AHCTF1: variants seen among roughly 807,000 people sequenced by gnomAD.
The protein encoded by AHCTF1 is protein ELYS.
In AHCTF1, 24 loss-of-function variants were observed where a neutral mutation model predicts 248.4. That is an observed-to-expected ratio of 0.10 (90% CI 0.07 to 0.14). The LOEUF (loss-of-function observed/expected upper bound fraction) is 0.14. Among genes scored for constraint, AHCTF1 ranks in the 10% least tolerant of loss-of-function variants. The probability of loss-of-function intolerance (pLI) is 1.00; values close to 1 mark genes in which losing one functional copy is unlikely to be tolerated. For missense variants in AHCTF1, 2,206 were observed against 2,636.2 expected, an observed-to-expected ratio of 0.84 and a Z score of 3.57; for synonymous variants, 786 against 929.8, an observed-to-expected ratio of 0.85 and a Z score of 2.81.
chr1:246,930,089 G>A (rs1667237182), intron 1 of AHCTF1, among the ~76,000 whole-genome samples: 1 of 151,970 alleles, frequency 6.6e-6, no homozygotes. Flanking sequence ...TATGAAAAAG[G>A]AGAAGCATAA....
intron 4 of AHCTF1, among the ~76,000 whole-genome samples, chr1:246,908,993 T>C (rs1212537234): frequency 1.3e-5 from 2 of 151,812 alleles, no homozygotes; most frequent in African/African-American, 4.8e-5. Flanking sequence ...TCTCATTATT[T>C]ACAGTTTCAC....
At position 246,861,939 on chromosome 1, in the gene AHCTF1, C is replaced by A. The variant is rs574231838; in HGVS notation, c.3735+20G>T. 6.3e-7 allele frequency: 1 copy of A among 1,586,690 alleles called. No homozygotes were observed. Among genetic ancestry groups the A allele is most frequent in the East Asian group, 2.2e-5 (1 of 44,606 alleles). ...TTCTTATTAAAAAATGTCTTTTCTC[C>A]CAATTATTATCAAACTTACCCCAGG... On this transcript the variant is annotated intron_variant, in intron 28 of 35. Coordinates refer to ENST00000648844, the MANE Select transcript of AHCTF1 (RefSeq NM_001323342.2).
intron 1 of AHCTF1, chr1:246,931,032 G>A (rs1667313144): frequency 1.4e-6 from 2 of 1,458,792 alleles, no homozygotes; most frequent in South Asian, 1.4e-5. Flanking sequence ...CCCAAGATGT[G>A]CTTTTATTTT....
chr1:246,860,943 A>G lies in AHCTF1; in HGVS notation c.4088T>C (p.Val1363Ala), dbSNP rs755356634. The part of the protein sequence containing the change: ...EQTEKDGDKD[V>A]FASEVTPSDL... ...TGAAGGAGTTACTTCTGATGCAAAT[A>G]CATCTTTATCTCCATCCTTTTCAGT... The change falls in exon 29 of 36, where the codon GTA (valine) becomes GCA (alanine). Residue 1363 changes from valine (V) to alanine (A), a missense_variant. Transcript: ENST00000648844. 2.9e-5 allele frequency: 47 copies of G among 1,612,410 alleles called. No individual in the cohort carries two copies. The highest frequency in any genetic ancestry group is 3.7e-5 in the Non-Finnish European group (44 of 1,178,602).
rs540228112 is a variant in AHCTF1 at position 246,927,880 on chromosome 1, G to C, written c.-8+3698C>G. 3.3e-5 allele frequency among the ~76,000 whole-genome samples: 5 copies of C among 152,128 alleles called. No individual in the cohort carries two copies. In the South Asian group the frequency reaches 1.0e-3, roughly 32 times the overall value. ...TAGCTGGGCGCGGTAGCGCGCTGTA[G>C]TCCCAGCTACTTGGGAGGCTGAGGC... On this transcript the variant is annotated intron_variant, in intron 1 of 35. Coordinates refer to ENST00000648844, the MANE Select transcript of AHCTF1 (RefSeq NM_001323342.2).
intron 24 of AHCTF1, among the ~76,000 whole-genome samples, chr1:246,868,419 C>A (rs756309731): frequency 2.0e-5 from 3 of 147,942 alleles, no homozygotes; most frequent in Non-Finnish European, 2.9e-5. Context: ...CTGCGCCTGG[C>A]AATTTTTGTA....
chr1:246,905,551 T>C lies in AHCTF1; in HGVS notation c.871A>G (p.Thr291Ala), dbSNP rs770470708. The C allele has an allele frequency of 3.1e-6, 5 of 1,611,348 alleles. No homozygotes were observed. The highest frequency in any genetic ancestry group is 4.2e-6 in the Non-Finnish European group (5 of 1,179,230). Residue 291 changes from threonine (T) to alanine (A), a missense_variant, in exon 6 of 36, where the codon ACA (threonine) becomes GCA (alanine). This residue lies in a region of AHCTF1 where 650 missense variants were observed against 870.8 expected (regional missense o/e 0.75). Transcript: ENST00000648844. ...NCCYLWAVQS[T>A]QDSEGDVLSL... ...TTGTATGAGACCTACCTATCTTGTG[T>C]AGACTGAACAGCCCACAAGTAACAG... is the stretch of plus-strand genomic sequence containing the variant.
At chr1:246,894,911 G>A (rs1417991499) in intron 13 of AHCTF1, among the ~76,000 whole-genome samples, 163 bp from the exon 14 acceptor site, 3 of 151,996 alleles carry the variant, frequency 2.0e-5, no homozygotes, top group Non-Finnish European at 2.9e-5. Flanking sequence ...ACCACACCAC[G>A]GAGCACGTCA....
chr1:246,901,260 G>C (rs940753107), intron 8 of AHCTF1, among the ~76,000 whole-genome samples: 1 of 152,186 alleles, frequency 6.6e-6, no homozygotes, highest in African/African-American at 2.4e-5. Context: ...AGGATCGCTT[G>C]AACCTGGGAA....
Position 246,931,236 on chromosome 1 carries a change from G to T in AHCTF1, c.-8+342C>A, listed in dbSNP as rs555942778. The T allele has an allele frequency of 5.5e-5, 85 of 1,550,092 alleles. 1 individual carries two copies. The South Asian group carries it at 8.2e-4, about 15-fold the overall frequency. ...CCGCCAACGAGTCCATCGCGTGGGAGAACAGTGGGAAAGGGTCGCGGCCCC... is the reference window on the plus strand; with the variant it reads ...CCGCCAACGAGTCCATCGCGTGGGATAACAGTGGGAAAGGGTCGCGGCCCC... On this transcript the variant is annotated intron_variant, in intron 1 of 35. Transcript: ENST00000648844.
chr1:246,857,999 G>A (rs1415291533), intron 29 of AHCTF1, among the ~76,000 whole-genome samples, 185 bp from the exon 30 acceptor site: 2 of 139,554 alleles, frequency 1.4e-5, no homozygotes, highest in Non-Finnish European at 3.0e-5. Context: ...TTGCTGTGTC[G>A]CCCAGGCTGG....
At chr1:246,885,930 T>C (rs1488568226) in intron 20 of AHCTF1, among the ~76,000 whole-genome samples, 1 of 152,180 alleles carries the variant, frequency 6.6e-6, no homozygotes, top group African/African-American at 2.4e-5. Flanking sequence ...CTCACGCCTG[T>C]AATCTCCGCA....
intron 1 of AHCTF1, among the ~76,000 whole-genome samples, chr1:246,924,009 CAA>C (rs145649060): frequency 0.064 from 9,732 of 152,198 alleles, 356 homozygotes; most frequent in African/African-American, 0.087. Flanking sequence ...ATAAATCTGG[CAA>C]AAGAGAGATC....
intron 1 of AHCTF1, among the ~76,000 whole-genome samples, chr1:246,925,149 G>C (rs966667317): frequency 7.2e-5 from 11 of 152,154 alleles, no homozygotes; most frequent in Admixed American, 2.6e-4. Flanking sequence ...TAAAACCAAA[G>C]TAAGTCAACC....
intron 1 of AHCTF1, among the ~76,000 whole-genome samples, chr1:246,918,701 T>C (rs1439656131): frequency 2.6e-5 from 4 of 152,258 alleles, no homozygotes. Flanking sequence ...GACCAAGGTA[T>C]TCTACTGTCT....
At chr1:246,918,719 A>C (rs1186963490) in intron 1 of AHCTF1, among the ~76,000 whole-genome samples, 1 of 152,238 alleles carries the variant, frequency 6.6e-6, no homozygotes, top group Non-Finnish European at 1.5e-5. Flanking sequence ...TCTCCTAAGA[A>C]AGTATTTCCC....
chr1:246,877,929 A>T (rs1029184525), intron 21 of AHCTF1, among the ~76,000 whole-genome samples: 33 of 151,580 alleles, frequency 2.2e-4, no homozygotes, highest in Non-Finnish European at 4.0e-4. Context: ...ATTTATTTTT[A>T]TTTTTTTTAA....
At chr1:246,853,044 C>A in intron 32 of AHCTF1, 47 bp downstream of exon 32, 1 of 1,467,062 alleles carries the variant, frequency 6.8e-7, no homozygotes, top group Non-Finnish European at 9.3e-7. Flanking sequence ...AACAACTAAA[C>A]CAAAACTGAA....
At chr1:246,887,499 G>C in intron 19 of AHCTF1, 142 bp from the exon 20 acceptor site, 1 of 791,836 alleles carries the variant, frequency 1.3e-6, no homozygotes, top group Non-Finnish European at 1.9e-6. Context: ...ATCATGGAGA[G>C]TCAGCAATGA....
Sources: allele counts gnomAD v4.1 joint callset (sites outside exome capture counted in the v4.1 genomes callset), GRCh38; gene constraint gnomAD v4.1.1; regional missense constraint gnomAD v4.1.1; transcripts MANE v1.5; gene names NCBI Gene and HGNC (gene_info 2026-07-23, HGNC 2026-07-21).